Variants in CSDE1 observed in about 807,000 individuals in gnomAD.
CSDE1 encodes the protein cold shock domain-containing protein E1.
In CSDE1, 17 loss-of-function variants were observed where a neutral mutation model predicts 89.3. That is an observed-to-expected ratio of 0.19 (90% CI 0.13 to 0.29). The LOEUF is 0.29. Among genes scored for constraint, CSDE1 ranks in the 10% least tolerant of loss-of-function variants. CSDE1 has a pLI of 1.00. For missense variants in CSDE1, 672 were observed against 984.2 expected (o/e 0.68, Z 4.24); for synonymous variants, 322 against 332.8 (o/e 0.97, Z 0.35).
intron 5 of CSDE1, among the ~76,000 whole-genome samples, chr1:114,737,070 T>G (rs931435500): frequency 3.3e-5 from 5 of 152,088 alleles, no homozygotes; most frequent in African/African-American, 9.7e-5. Flanking sequence ...GCAATCCAAC[T>G]TCAAAAAGCT....
At chr1:114,750,496 G>C (rs1255720083) in intron 1 of CSDE1, among the ~76,000 whole-genome samples, 1 of 152,060 alleles carries the variant, frequency 6.6e-6, no homozygotes, top group Admixed American at 6.6e-5. Flanking sequence ...TTTAGTGCAA[G>C]TATTTTATAA....
At position 114,718,132 on chromosome 1, in the gene CSDE1, G is replaced by C. The variant is rs1659290869; in HGVS notation, c.*37C>G. On this transcript the variant is annotated 3_prime_UTR_variant, in exon 20 of 20. Coordinates refer to ENST00000358528, the MANE Select transcript of CSDE1 (RefSeq NM_001007553.3). ...CCCTTCACCAGATTCCCCCCAACTT[G>C]ATCATAGTGGATTAATGGTGTGCTT... The C allele has an allele frequency of 6.2e-7, 1 of 1,610,738 alleles. No homozygotes were observed. The highest frequency in any genetic ancestry group is 1.1e-5 in the South Asian group (1 of 90,854).
rs905898014 is a variant in CSDE1 at position 114,739,835 on chromosome 1, C to T, written c.56G>A (p.Gly19Asp). 3.4e-5 allele frequency: 55 copies of T among 1,613,912 alleles called. No homozygotes were observed. The highest frequency in any genetic ancestry group is 4.2e-5 in the Non-Finnish European group (49 of 1,179,960). The change falls in exon 3 of 20, where the codon GGT (glycine) becomes GAT (aspartate). Residue 19 changes from glycine to aspartate, a missense_variant. Physicochemically the swap from Gly to Asp is moderately conservative, Grantham distance 94. This residue lies in a region of CSDE1 where 26 missense variants were observed against 24.3 expected (regional missense o/e 1.07). Coordinates refer to ENST00000358528, the MANE Select transcript of CSDE1 (RefSeq NM_001007553.3). ...HNNGHNGYPNGTSAALRETGV... is the reference protein window; with the variant it reads ...HNNGHNGYPNDTSAALRETGV... ...AGTTTCACGCAGTGCTGCTGAAGTA[C>T]CATTAGGGTACCCATTATGTCCATT...
chr1:114,735,923 C>T (rs981163228), intron 6 of CSDE1, among the ~76,000 whole-genome samples: 9 of 152,216 alleles, frequency 5.9e-5, no homozygotes, highest in African/African-American at 1.2e-4. Context: ...GACCTATACA[C>T]GCAACTGTAG....
chr1:114,724,377 T>G (rs1659688461), intron 15 of CSDE1: 1 of 180,228 alleles, frequency 5.5e-6, no homozygotes, highest in Non-Finnish European at 1.2e-5. Context: ...TCCTGATTCA[T>G]CTTTATTACA....
At chr1:114,746,530 T>C (rs1661020298) in intron 2 of CSDE1, 4 of 152,204 alleles carry the variant, frequency 2.6e-5, no homozygotes, top group African/African-American at 7.2e-5. Context: ...CTTTTAATCA[T>C]TCATTCTCCT....
At chr1:114,754,456 T>C (rs1413519495) in intron 1 of CSDE1, among the ~76,000 whole-genome samples, 1 of 152,236 alleles carries the variant, frequency 6.6e-6, no homozygotes, top group Admixed American at 6.5e-5. Flanking sequence ...TTTGAAAGTA[T>C]GTGCAGCACT....
In CSDE1 at chr1:114,752,101, C is replaced by T. The variant is rs144042030; in HGVS notation, c.-387-1894G>A. 5.3e-4 allele frequency among the ~76,000 whole-genome samples: 81 copies of T among 152,214 alleles called. 1 individual carries two copies. Among genetic ancestry groups the T allele is most frequent in the Non-Finnish European group, 8.8e-5 (6 of 68,016 alleles). On this transcript the variant is annotated intron_variant, in intron 1 of 19. Transcript: ENST00000358528. The stretch of plus-strand genomic sequence containing the variant: ...GCAACGTGGAGAAACCCCATCTCTA[C>T]TAAAAATACAAAAAATTAGCCAGGC...
chr1:114,742,881 A>T (rs908708255), intron 2 of CSDE1, among the ~76,000 whole-genome samples: 4 of 152,250 alleles, frequency 2.6e-5, no homozygotes, highest in Admixed American at 2.6e-4. Context: ...CTTAAAAACC[A>T]GCAATCCAGA....
chr1:114,739,224 G>A (rs1180640046), intron 3 of CSDE1, among the ~76,000 whole-genome samples: 1 of 151,784 alleles, frequency 6.6e-6, no homozygotes, highest in Non-Finnish European at 1.5e-5. Context: ...GTAGAGACGG[G>A]GTTTCACCGT....
At chr1:114,732,930 C>A in intron 9 of CSDE1, 114 bp from the exon 10 acceptor site, 1 of 854,152 alleles carries the variant, frequency 1.2e-6, no homozygotes, top group African/African-American at 1.7e-5. Flanking sequence ...TTCCCTGAAG[C>A]GAAAAAAGGT....
intron 1 of CSDE1, among the ~76,000 whole-genome samples, chr1:114,753,030 G>C (rs1306331901): frequency 3.3e-5 from 5 of 150,378 alleles, no homozygotes; most frequent in African/African-American, 1.2e-4. Context: ...CACAATTCAA[G>C]TGTAAACAGT....
intron 16 of CSDE1, among the ~76,000 whole-genome samples, chr1:114,721,666 T>C (rs1207447449): frequency 6.6e-6 from 1 of 152,146 alleles, no homozygotes; most frequent in Non-Finnish European, 1.5e-5. Context: ...AACGGCTCAC[T>C]GCAGCCTTGA....
rs1661216679 is a variant in CSDE1, at chr1:114,749,879, GCA to G, written c.-61_-60del. On this transcript the variant is annotated 5_prime_UTR_variant, in exon 2 of 20. Transcript: ENST00000358528. ...AGTATTTGCTGATTCTTCTTTTTCA[GCA>G]CACGTTTCAAAGGATGAAAGTTGCT... The G allele has an allele frequency of 1.3e-5, 2 of 152,604 alleles. No individual in the cohort carries two copies. Among genetic ancestry groups the G allele is most frequent in the African/African-American group, 4.8e-5 (2 of 41,516 alleles). The allele number at this position is 152,604 out of a possible 1,614,324, so 9.5% of individuals were successfully genotyped here.
At chr1:114,732,545 T>G in intron 10 of CSDE1, 59 bp downstream of exon 10, 1 of 1,531,010 alleles carries the variant, frequency 6.5e-7, no homozygotes, top group Non-Finnish European at 9.0e-7. Flanking sequence ...TAGTATAAAC[T>G]TGAATATAAC....
chr1:114,719,698 A>G lies in CSDE1; in HGVS notation c.2097T>C (p.Phe699=), dbSNP rs72994458. The G allele has an allele frequency of 6.2e-4, 995 of 1,614,138 alleles. 8 individuals carry two copies. In the African/African-American group the frequency reaches 0.013, roughly 20 times the overall value. Residue 699 remains phenylalanine, a synonymous_variant, in exon 18 of 20, where the codon TTT becomes TTC. Coordinates refer to ENST00000358528, the MANE Select transcript of CSDE1 (RefSeq NM_001007553.3). ...CATCCTGAACTTCTTTCACATGGAA[A>G]AAGAGCTTCTTGCTATCTCCTACTT... ...NYEVGDSKKL[F]FHVKEVQDGI...
intron 2 of CSDE1, among the ~76,000 whole-genome samples, chr1:114,745,669 A>C (rs1390844162): frequency 6.6e-6 from 1 of 152,232 alleles, no homozygotes; most frequent in African/African-American, 2.4e-5. Context: ...CACAACAGAC[A>C]AATATCTCCA....
intron 13 of CSDE1, 151 bp downstream of exon 13, chr1:114,726,832 G>A: frequency 1.8e-6 from 1 of 568,132 alleles, no homozygotes; most frequent in Non-Finnish European, 3.1e-6. Context: ...CTTTTAATAA[G>A]CTGCTTTCAA....
Position 114,747,538 on chromosome 1 carries a change from TA to T in CSDE1, c.-1+2282del, listed in dbSNP as rs1185612984. On this transcript the variant is annotated intron_variant, in intron 2 of 19. Transcript: ENST00000358528. ...AAGGACTTCGTTAAATCTATTTCTATAAATCATGTCAATGAAATGAAAGCCT... is the reference window on the plus strand; with the variant it reads ...AAGGACTTCGTTAAATCTATTTCTATAATCATGTCAATGAAATGAAAGCCT... 2.0e-5 allele frequency among the ~76,000 whole-genome samples: 3 copies of T among 152,336 alleles called. No homozygotes were observed. In the East Asian group the frequency reaches 5.8e-4, roughly 29 times the overall value.
Sources: allele counts gnomAD v4.1 joint callset (sites outside exome capture counted in the v4.1 genomes callset), GRCh38; gene constraint gnomAD v4.1.1; regional missense constraint gnomAD v4.1.1; transcripts MANE v1.5; gene names NCBI Gene and HGNC (gene_info 2026-07-23, HGNC 2026-07-21).